The following TNKS2 variants were observed in gnomAD, a reference collection of about 807,000 sequenced individuals.
TNKS2 encodes the protein poly [ADP-ribose] polymerase tankyrase-2.
Under a neutral mutation model 137.6 loss-of-function variants are expected in TNKS2, and 72 were observed. The ratio of observed to expected loss-of-function variants is 0.52; its 90% confidence interval spans 0.43 to 0.64. The LOEUF (loss-of-function observed/expected upper bound fraction) is 0.64, where lower values mean the gene tolerates loss of function less well. TNKS2 is among the 30% of genes least tolerant of loss of function. TNKS2 has a pLI of 0.00. For synonymous variants in TNKS2, 516 were observed against 512.1 expected, an observed-to-expected ratio of 1.01 and a Z score of -0.10; for missense variants, 1,049 against 1,410.2, an observed-to-expected ratio of 0.74 and a Z score of 4.10.
chr10:91,816,923 C>T (rs1432528439), intron 2 of TNKS2, among the ~76,000 whole-genome samples: 1 of 152,092 alleles, frequency 6.6e-6, no homozygotes, highest in Admixed American at 6.6e-5. Context: ...TGAGGGGGAA[C>T]TTATTTAATG....
At chr10:91,836,600 T>C (rs190869445) in intron 12 of TNKS2, 3 of 979,174 alleles carry the variant, frequency 3.1e-6, no homozygotes, top group Non-Finnish European at 3.6e-6. Context: ...TTAATACTTT[T>C]GCACCATTCC....
intron 21 of TNKS2, among the ~76,000 whole-genome samples, chr10:91,852,525 A>G (rs1407853694): frequency 1.3e-5 from 2 of 152,370 alleles, no homozygotes; most frequent in East Asian, 3.9e-4. Flanking sequence ...ACGCCACTGC[A>G]CTGCAGCCTG....
chr10:91,828,436 A>G (rs1336434454), intron 9 of TNKS2, 30 bp downstream of exon 9: 21 of 1,531,534 alleles, frequency 1.4e-5, no homozygotes, highest in Non-Finnish European at 1.6e-5. Flanking sequence ...TTTTTAAAAT[A>G]CAATAACGAA....
intron 11 of TNKS2, among the ~76,000 whole-genome samples, chr10:91,832,567 T>C (rs1343649497): frequency 6.6e-6 from 1 of 152,088 alleles, no homozygotes; most frequent in Non-Finnish European, 1.5e-5. Flanking sequence ...AATCCATTTT[T>C]CAGGCCCTGT....
chr10:91,830,128 A>G (rs972573429), intron 9 of TNKS2, among the ~76,000 whole-genome samples: 1 of 152,180 alleles, frequency 6.6e-6, no homozygotes, highest in African/African-American at 2.4e-5. Flanking sequence ...CGAAGCAACT[A>G]GTTGAGAGAG....
chr10:91,845,114 G>T, intron 17 of TNKS2, 86 bp downstream of exon 17: 1 of 867,442 alleles, frequency 1.2e-6, no homozygotes. Flanking sequence ...GTAGTTTGAT[G>T]TTCTCATTTT....
In TNKS2 at chr10:91,831,034, T is replaced by G. The variant is rs1171402764; in HGVS notation, c.1196+20T>G. 6.2e-7 allele frequency: 1 copy of G among 1,612,340 alleles called. No individual in the cohort carries two copies. Among genetic ancestry groups the G allele is most frequent in the East Asian group, 2.2e-5 (1 of 44,810 alleles). On this transcript the variant is annotated intron_variant, in intron 10 of 26. Coordinates refer to ENST00000371627, the MANE Select transcript of TNKS2 (RefSeq NM_025235.4). ...TAAAGAGTAAGTATACATTTAATGA[T>G]TAAATATCATTGAGATTTTACTCTT...
At chr10:91,837,948 T>C (rs1842080588) in intron 13 of TNKS2, among the ~76,000 whole-genome samples, 1 of 151,988 alleles carries the variant, frequency 6.6e-6, no homozygotes, top group South Asian at 2.1e-4. Context: ...ACTACTGACT[T>C]GTGGAAATAC....
intron 3 of TNKS2, 33 bp from the exon 4 acceptor site, chr10:91,819,237 A>G (rs200594266): frequency 1.6e-6 from 2 of 1,268,570 alleles, no homozygotes; most frequent in Middle Eastern, 2.1e-4. Flanking sequence ...TTTCTTTTTA[A>G]TTTCTATACT....
At chr10:91,827,708 CT>C (rs1411071941) in intron 8 of TNKS2, among the ~76,000 whole-genome samples, 1 of 152,124 alleles carries the variant, frequency 6.6e-6, no homozygotes, top group Non-Finnish European at 1.5e-5. Flanking sequence ...AAGTAAGCAA[CT>C]TATATTGGAT....
intron 1 of TNKS2, among the ~76,000 whole-genome samples, chr10:91,805,659 A>G (rs1254602199): frequency 6.6e-6 from 1 of 152,186 alleles, no homozygotes; most frequent in African/African-American, 2.4e-5. Context: ...GGGGGAGTTA[A>G]CCTGTGAGTC....
In TNKS2 at chr10:91,835,980, T is replaced by C. The variant is rs1842001036; in HGVS notation, c.1448-939T>C. Among the ~76,000 whole-genome samples, 8 of 149,350 alleles carry C rather than the reference T, an allele frequency of 5.4e-5. No individual in the cohort carries two copies. The South Asian group carries it at 1.7e-3, about 32-fold the overall frequency. On this transcript the variant is annotated intron_variant, in intron 12 of 26. Transcript: ENST00000371627. Reference sequence around the variant, plus strand: ...GCTCATTTGTTGAAGTGTTTCAAAGTACTCCTTTCATAAGAATACCGTGTG... The same window carrying C: ...GCTCATTTGTTGAAGTGTTTCAAAGCACTCCTTTCATAAGAATACCGTGTG...
intron 16 of TNKS2, among the ~76,000 whole-genome samples, 189 bp downstream of exon 16, chr10:91,842,580 C>T (rs2133655859): frequency 6.6e-6 from 1 of 152,070 alleles, no homozygotes; most frequent in South Asian, 2.1e-4. Context: ...TTGAGAGCAG[C>T]CTGGGCAACA....
Position 91,830,920 on chromosome 10 carries a change from T to C in TNKS2, c.1105-3T>C. On this transcript the variant is annotated splice_region_variant and splice_polypyrimidine_tract_variant and intron_variant, in intron 9 of 26. Coordinates refer to ENST00000371627, the MANE Select transcript of TNKS2 (RefSeq NM_025235.4). ...GATTAATGCTGCAATTTAAATTATT[T>C]AGCATTGTGCTGCTGCATCTCCATA... 2 of 1,601,144 alleles carry C rather than the reference T, an allele frequency of 1.2e-6. No homozygotes were observed. Among genetic ancestry groups the C allele is most frequent in the Non-Finnish European group, 1.7e-6 (2 of 1,173,036 alleles).
chr10:91,819,592 C>T (rs776326221), intron 5 of TNKS2, 35 bp downstream of exon 5: 26 of 1,438,508 alleles, frequency 1.8e-5, no homozygotes, highest in Non-Finnish European at 2.5e-5. Context: ...GTGCTTATCT[C>T]CTGGTAACAT....
intron 1 of TNKS2, among the ~76,000 whole-genome samples, chr10:91,807,819 C>G (rs1170038167): frequency 6.6e-6 from 1 of 151,886 alleles, no homozygotes; most frequent in Non-Finnish European, 1.5e-5. Context: ...ATGGTGAAAC[C>G]CCCCCTTTAC....
intron 7 of TNKS2, among the ~76,000 whole-genome samples, chr10:91,826,240 T>G (rs7083959): frequency 0.19 from 28,956 of 152,096 alleles, 2,855 homozygotes; most frequent in Middle Eastern, 0.28. Flanking sequence ...GTGCATAAGG[T>G]TAGGTGTGGA....
chr10:91,823,185 A>G (rs1844956120), intron 7 of TNKS2, among the ~76,000 whole-genome samples: 1 of 152,122 alleles, frequency 6.6e-6, no homozygotes, highest in African/African-American at 2.4e-5. Context: ...TAATAGCAAG[A>G]TTTGCCAGTT....
In TNKS2 at chr10:91,836,907, TC is replaced by T; in HGVS notation, c.1448-11del. 6.2e-7 allele frequency: 1 copy of T among 1,609,402 alleles called. No individual in the cohort carries two copies. Among genetic ancestry groups the T allele is most frequent in the Non-Finnish European group, 8.5e-7 (1 of 1,178,066 alleles). ...GAGGTTAGTCACTCTTCTCTCTCTC[TC>T]TCTTTTTTAGAGGGTATCTCATTAG... is the stretch of plus-strand genomic sequence containing the variant. On this transcript the variant is annotated splice_polypyrimidine_tract_variant and intron_variant, in intron 12 of 26. Transcript: ENST00000371627.
Sources: gnomAD v4.1 joint callset for allele counts (sites outside exome capture counted in the v4.1 genomes callset) on GRCh38, gnomAD v4.1.1 for gene constraint, MANE v1.5 for transcripts, NCBI Gene and HGNC (gene_info 2026-07-23, HGNC 2026-07-21) for gene names.